Variants in MANBA observed in about 807,000 individuals in gnomAD.
MANBA encodes the protein mannosidase beta.
Under a neutral mutation model 111.1 loss-of-function variants are expected in MANBA, and 83 were observed. The ratio of observed to expected loss-of-function variants is 0.75; its 90% CI spans 0.63 to 0.90. The LOEUF (loss-of-function observed/expected upper bound fraction) is 0.90. MANBA is among the 40% of genes least tolerant of loss of function. The pLI is 0.00. For missense variants in MANBA, 1,036 were observed against 1,069.0 expected (o/e 0.97, Z 0.43); for synonymous variants, 370 against 378.7 (o/e 0.98, Z 0.27).
At position 102,726,573 on chromosome 4, in the gene MANBA, C is replaced by T; in HGVS notation, c.272+16G>A. On this transcript the variant is annotated intron_variant, in intron 2 of 16. Transcript: ENST00000647097. ...AGTTCAAATAATAATAAAAATACAC[C>T]CACAAACATACATACCTAATTTCAA... 1 of 1,278,082 alleles carries T rather than the reference C, an allele frequency of 7.8e-7. No homozygotes were observed. The allele number at this position is 1,278,082 out of a possible 1,614,324, so 79.2% of individuals were successfully genotyped here. A position where few individuals can be genotyped will look rare whatever the true frequency, so the allele number is the denominator to read the frequency against.
intron 7 of MANBA, 122 bp from the exon 8 acceptor site, chr4:102,674,192 A>C: frequency 1.4e-6 from 1 of 698,240 alleles, no homozygotes. Flanking sequence ...TTTCCTATTT[A>C]CTATGAAGCA....
At chr4:102,649,075 A>T (rs1361056364) in intron 13 of MANBA, among the ~76,000 whole-genome samples, 2 of 152,182 alleles carry the variant, frequency 1.3e-5, no homozygotes, top group East Asian at 1.9e-4. Context: ...GATGCTGATT[A>T]TCAGTAGTTT....
chr4:102,635,259 G>A (rs1729573041), intron 15 of MANBA, among the ~76,000 whole-genome samples: 1 of 152,144 alleles, frequency 6.6e-6, no homozygotes, highest in Admixed American at 6.5e-5. Flanking sequence ...AATAACAGCA[G>A]TAATGTCACA....
rs920478924 is a variant in MANBA at position 102,689,770 on chromosome 4, C to G, written c.850-86G>C. The G allele has an allele frequency of 2.7e-5, 22 of 802,584 alleles. No homozygotes were observed. In the South Asian group the frequency reaches 2.9e-4, roughly 11 times the overall value. The allele number at this position is 802,584 out of a possible 1,614,324, so 49.7% of individuals were successfully genotyped here. A position where few individuals can be genotyped will look rare whatever the true frequency, so the allele number is the denominator to read the frequency against. ...GCATTACATCAATTTCTCAAATAGT[C>G]AAGTACAAAACTCTAGGTTCTAAAA... is the stretch of plus-strand genomic sequence containing the variant. On this transcript the variant is annotated intron_variant, in intron 6 of 16. Coordinates refer to ENST00000647097, the MANE Select transcript of MANBA (RefSeq NM_005908.4).
rs1291967040 is a variant in MANBA, at chr4:102,631,170, T to A, written c.*887A>T. ...TGTGTGTGTACATATAAAATGAGGA[T>A]ACTCTTAGATACTGAAGAAGACTGG... On this transcript the variant is annotated 3_prime_UTR_variant, in exon 17 of 17. Coordinates refer to ENST00000647097, the MANE Select transcript of MANBA (RefSeq NM_005908.4). The A allele has an allele frequency of 6.6e-6, 1 of 151,074 alleles. No homozygotes were observed. The highest frequency in any genetic ancestry group is 1.5e-5 in the Non-Finnish European group (1 of 67,914). 9.4% of individuals were successfully genotyped at this position (151,074 alleles called of 1,614,324 possible).
intron 1 of MANBA, among the ~76,000 whole-genome samples, chr4:102,738,270 A>G (rs1723288320): frequency 1.3e-5 from 2 of 152,258 alleles, no homozygotes; most frequent in South Asian, 4.1e-4. Context: ...GTCTGTTCAC[A>G]TGACAACTTC....
At chr4:102,685,162 G>T (rs1291070600) in intron 7 of MANBA, among the ~76,000 whole-genome samples, 1 of 152,076 alleles carries the variant, frequency 6.6e-6, no homozygotes, top group Non-Finnish European at 1.5e-5. Flanking sequence ...CAGAAGGGAG[G>T]GGAGAGTTTG....
intron 7 of MANBA, among the ~76,000 whole-genome samples, chr4:102,681,878 G>A (rs1731994349): frequency 6.6e-6 from 1 of 152,162 alleles, no homozygotes; most frequent in Non-Finnish European, 1.5e-5. Context: ...AGGTGCAGTG[G>A]CTCACGCCTG....
At chr4:102,734,708 GTT>G in intron 1 of MANBA, 1 of 858,554 alleles carries the variant, frequency 1.2e-6, no homozygotes, top group Non-Finnish European at 1.8e-6. Flanking sequence ...TCCATCCCAG[GTT>G]CAGGGTCTGA....
In MANBA at chr4:102,668,957, A is replaced by G; in HGVS notation, c.1317+6T>C. ...TTTATTTCTTCTTGGAAGGGTAGTA[A>G]CATACCTGGTAGGCAACTTCTGCTG... On this transcript the variant is annotated splice_donor_region_variant and intron_variant, in intron 10 of 16. Coordinates refer to ENST00000647097, the MANE Select transcript of MANBA (RefSeq NM_005908.4). 1 of 1,601,924 alleles carries G rather than the reference A, an allele frequency of 6.2e-7. No individual in the cohort carries two copies. Among genetic ancestry groups the G allele is most frequent in the African/African-American group, 1.3e-5 (1 of 74,826 alleles).
chr4:102,723,033 A>T lies in MANBA; in HGVS notation c.387T>A (p.Asp129Glu). Residue 129 changes from aspartate to glutamate, a missense_variant, in exon 4 of 17, where the codon GAT becomes GAA. By Grantham distance (45) the Asp-to-Glu change is conservative. Coordinates refer to ENST00000647097, the MANE Select transcript of MANBA (RefSeq NM_005908.4). ...TDNMFNRYSFDITNVVRDVNS... is the reference protein window; with the variant it reads ...TDNMFNRYSFEITNVVRDVNS... Reference sequence around the variant, plus strand: ...TCACGTCCCTGACCACGTTGGTAATATCAAAGCTCTAAGTTAAAGGGAACA... The same window carrying T: ...TCACGTCCCTGACCACGTTGGTAATTTCAAAGCTCTAAGTTAAAGGGAACA... 6.2e-7 allele frequency: 1 copy of T among 1,613,840 alleles called. No individual in the cohort carries two copies. The highest frequency in any genetic ancestry group is 8.5e-7 in the Non-Finnish European group (1 of 1,179,778).
intron 1 of MANBA, among the ~76,000 whole-genome samples, chr4:102,740,854 A>C (rs183788000): frequency 4.6e-5 from 7 of 152,326 alleles, no homozygotes; most frequent in Non-Finnish European, 1.0e-4. Context: ...AAAATCTAGA[A>C]GATAACATCA....
At chr4:102,675,279 T>C (rs1731676068) in intron 7 of MANBA, among the ~76,000 whole-genome samples, 1 of 152,220 alleles carries the variant, frequency 6.6e-6, no homozygotes, top group African/African-American at 2.4e-5. Flanking sequence ...TCTCAGTCTC[T>C]GAGTGTCAGT....
chr4:102,727,417 A>G, intron 1 of MANBA: 1 of 1,064,772 alleles, frequency 9.4e-7, no homozygotes, highest in South Asian at 1.3e-5. Context: ...TGTCCTGGAG[A>G]TGAGCTTGGT....
intron 5 of MANBA, 183 bp from the exon 6 acceptor site, chr4:102,690,954 C>T (rs994117006): frequency 1.0e-5 from 2 of 199,802 alleles, no homozygotes; most frequent in Non-Finnish European, 2.0e-5. Context: ...TTTAATCCTT[C>T]ATTCTGAAGA....
At chr4:102,646,268 T>C (rs1730098808) in intron 13 of MANBA, among the ~76,000 whole-genome samples, 1 of 152,054 alleles carries the variant, frequency 6.6e-6, no homozygotes, top group Admixed American at 6.6e-5. Context: ...ACTCTTTCAT[T>C]CCCCTCCTTT....
chr4:102,633,652 G>C (rs573406795), intron 16 of MANBA, among the ~76,000 whole-genome samples: 58 of 152,236 alleles, frequency 3.8e-4, no homozygotes, highest in African/African-American at 1.3e-3. Context: ...CAAAGAAAGA[G>C]CCCTGCTTTT....
At chr4:102,711,211 C>T (rs556610646) in intron 5 of MANBA, among the ~76,000 whole-genome samples, 1 of 152,284 alleles carries the variant, frequency 6.6e-6, no homozygotes, top group East Asian at 1.9e-4. Flanking sequence ...TATTTGCAGA[C>T]TATTCATTTG....
chr4:102,735,484 G>T (rs1249516605), intron 1 of MANBA, among the ~76,000 whole-genome samples: 1 of 121,794 alleles, frequency 8.2e-6, no homozygotes, highest in African/African-American at 3.1e-5. Context: ...AGAAAGAAAA[G>T]TCTACTAAAA....
Sources: gnomAD v4.1 joint callset for allele counts (sites outside exome capture counted in the v4.1 genomes callset) on GRCh38, gnomAD v4.1.1 for gene constraint, MANE v1.5 for transcripts, NCBI Gene and HGNC (gene_info 2026-07-23, HGNC 2026-07-21) for gene names.